Variants in DNAH6 observed in about 807,000 individuals in gnomAD.
The protein encoded by DNAH6 is dynein axonemal heavy chain 6.
In DNAH6, 340 loss-of-function variants were observed where a neutral mutation model predicts 491.4. The ratio of observed to expected loss-of-function variants is 0.69; its 90% CI spans 0.63 to 0.76. The LOEUF is 0.76. Ranked by LOEUF, DNAH6 falls within the 30% of genes least tolerant of loss-of-function variation. The pLI, the probability that DNAH6 is intolerant of heterozygous loss-of-function variation, is 0.00. For synonymous variants in DNAH6, 1,603 were observed against 1,686.1 expected, an observed-to-expected ratio of 0.95 and a Z score of 1.21; for missense variants, 4,443 against 4,972.2, an observed-to-expected ratio of 0.89 and a Z score of 3.20.
chr2:84,748,505 A>G (rs1443195346), intron 63 of DNAH6, among the ~76,000 whole-genome samples: 1 of 152,226 alleles, frequency 6.6e-6, no homozygotes, highest in East Asian at 1.9e-4. Context: ...GCTAAGGCAT[A>G]ACAAGGGTGA....
chr2:84,487,594 T>C, the DNAH6 span, among the ~76,000 whole-genome samples: 2 of 152,234 alleles, frequency 1.3e-5, no homozygotes, highest in African/African-American at 4.8e-5. Context: ...AACTTATCTC[T>C]TGTATTAAAG....
the DNAH6 span, among the ~76,000 whole-genome samples, chr2:84,473,945 G>A: frequency 6.6e-6 from 1 of 152,128 alleles, no homozygotes; most frequent in African/African-American, 2.4e-5. Flanking sequence ...TTGCTTAATA[G>A]CTTTCCTGAC....
chr2:84,556,093 T>A (rs956104039), intron 10 of DNAH6, among the ~76,000 whole-genome samples: 3 of 152,234 alleles, frequency 2.0e-5, no homozygotes, highest in Non-Finnish European at 4.4e-5. Context: ...CAAGATGTTC[T>A]GTGAGTTGTT....
intron 72 of DNAH6, among the ~76,000 whole-genome samples, chr2:84,811,199 C>T (rs560502392): frequency 1.3e-4 from 20 of 152,354 alleles, no homozygotes; most frequent in South Asian, 1.2e-3. Flanking sequence ...TGGAAGGACA[C>T]GTAGCCTTGT....
chr2:84,748,109 T>C (rs1162177126), intron 63 of DNAH6, among the ~76,000 whole-genome samples: 1 of 152,154 alleles, frequency 6.6e-6, no homozygotes, highest in Non-Finnish European at 1.5e-5. Flanking sequence ...CTTTGAAGTC[T>C]TTTTTCCCCC....
At chr2:84,661,581 A>G (rs1481511305) in intron 37 of DNAH6, among the ~76,000 whole-genome samples, 1 of 152,196 alleles carries the variant, frequency 6.6e-6, no homozygotes, top group Non-Finnish European at 1.5e-5. Context: ...TTAGGAATAA[A>G]AGTAATGAAT....
chr2:84,699,462 A>G (rs1461583108), intron 47 of DNAH6, 132 bp from the exon 48 acceptor site: 2 of 812,912 alleles, frequency 2.5e-6, no homozygotes, highest in East Asian at 2.7e-5. Flanking sequence ...ATGTTGAACA[A>G]GAAAATTTAC....
intron 58 of DNAH6, among the ~76,000 whole-genome samples, chr2:84,717,977 T>C (rs1697711513): frequency 6.6e-6 from 1 of 152,178 alleles, no homozygotes; most frequent in Non-Finnish European, 1.5e-5. Context: ...GTAGTATGCA[T>C]CTCTAAAATA....
chr2:84,518,587 A>C (rs1034535534), intron 2 of DNAH6, among the ~76,000 whole-genome samples: 1 of 152,170 alleles, frequency 6.6e-6, no homozygotes, highest in Non-Finnish European at 1.5e-5. Context: ...AGCTACATCT[A>C]TTTCTCTCTG....
intron 68 of DNAH6, among the ~76,000 whole-genome samples, chr2:84,790,666 T>C (rs936826163): frequency 1.3e-5 from 2 of 152,114 alleles, no homozygotes; most frequent in African/African-American, 4.8e-5. Flanking sequence ...GAAATGAAAG[T>C]TAAATCTCTA....
intron 70 of DNAH6, among the ~76,000 whole-genome samples, chr2:84,803,257 A>G (rs907041209): frequency 6.6e-6 from 1 of 152,198 alleles, no homozygotes; most frequent in Admixed American, 6.5e-5. Flanking sequence ...CTGGGTACAC[A>G]TGGACGTAAA....
intron 4 of DNAH6, among the ~76,000 whole-genome samples, chr2:84,529,793 T>C (rs1490959981): frequency 1.3e-5 from 2 of 152,180 alleles, no homozygotes; most frequent in Non-Finnish European, 2.9e-5. Flanking sequence ...GGTCTTTTCT[T>C]GATGGTGATA....
intron 60 of DNAH6, among the ~76,000 whole-genome samples, chr2:84,726,788 TA>T (rs1284439859): frequency 1.8e-4 from 25 of 140,706 alleles, no homozygotes; most frequent in African/African-American, 6.0e-4. Context: ...ATAAAAAAAA[TA>T]AAATAAAAAA....
chr2:84,619,576 A>G (rs1471203467), intron 23 of DNAH6, 109 bp from the exon 24 acceptor site: 3 of 965,966 alleles, frequency 3.1e-6, no homozygotes, highest in East Asian at 5.3e-5. Flanking sequence ...TTGGAGGTCC[A>G]GGAAATTGGT....
chr2:84,812,850 A>G (rs1680125070), intron 73 of DNAH6, among the ~76,000 whole-genome samples: 1 of 151,810 alleles, frequency 6.6e-6, no homozygotes, highest in Admixed American at 6.6e-5. Flanking sequence ...CCTCTCACAT[A>G]CCCCACAATA....
At chr2:84,552,285 A>G (rs1242496268) in intron 9 of DNAH6, among the ~76,000 whole-genome samples, 2 of 152,170 alleles carry the variant, frequency 1.3e-5, no homozygotes, top group Non-Finnish European at 2.9e-5. Context: ...TGGATGAAAC[A>G]TTCTACCTTC....
At chr2:84,553,654 G>A (rs28513667) in intron 10 of DNAH6, among the ~76,000 whole-genome samples, 7,910 of 43,708 alleles carry the variant, frequency 0.18, 839 homozygotes, top group African/African-American at 0.38. Flanking sequence ...TTTTTTTGTA[G>A]AGATGCGGCT....
At chr2:84,555,042 C>A (rs1373944483) in intron 10 of DNAH6, among the ~76,000 whole-genome samples, 1 of 152,162 alleles carries the variant, frequency 6.6e-6, no homozygotes, top group Non-Finnish European at 1.5e-5. Context: ...GATTTTATTT[C>A]ATATAACCCA....
In DNAH6 at chr2:84,701,236, A is replaced by AG; in HGVS notation, c.7958_7959insG (p.Tyr2653Ter). 1 of 1,551,808 alleles carries AG rather than the reference A, an allele frequency of 6.4e-7. No individual in the cohort carries two copies. Among genetic ancestry groups the AG allele is most frequent in the Non-Finnish European group, 8.7e-7 (1 of 1,147,024 alleles). The change falls in exon 49 of 77, where the codon TAC becomes TAGC. Residue 2653 changes from tyrosine to a stop codon, truncating the protein, a stop_gained and frameshift_variant. Coordinates refer to ENST00000389394, the MANE Select transcript of DNAH6 (RefSeq NM_001370.2). LOFTEE classifies it high-confidence loss of function. ...GTCTCCAGCATGGCAGAGCGCTATT[A>AG]CAATGAGCTGCGCAGGCGGTACTAC... is the stretch of plus-strand genomic sequence containing the variant. Reference protein sequence around the residue: ...LSVSSMAERYYNELRRRYYTT... With the variant: ...LSVSSMAERY
Sources: gnomAD v4.1 joint callset for allele counts (sites outside exome capture counted in the v4.1 genomes callset) on GRCh38, gnomAD v4.1.1 for gene constraint, MANE v1.5 for transcripts, NCBI Gene and HGNC (gene_info 2026-07-23, HGNC 2026-07-21) for gene names.